Variants in DYNC1H1 observed in about 807,000 individuals in gnomAD.
DYNC1H1 encodes cytoplasmic dynein 1 heavy chain 1.
DYNC1H1 carries 51 observed loss-of-function variants against 527.1 expected under a neutral mutation model. The observed-to-expected ratio is 0.10, with a 90% confidence interval of 0.08 to 0.12. The LOEUF is 0.12. Ranked by LOEUF, DYNC1H1 falls within the 10% of genes least tolerant of loss-of-function variation. The probability of loss-of-function intolerance (pLI) is 1.00; values close to 1 mark genes in which losing one functional copy is unlikely to be tolerated. For synonymous variants in DYNC1H1, 2,189 were observed against 2,278.8 expected (o/e 0.96, Z 1.12); for missense variants, 2,771 against 5,971.8 (o/e 0.46, Z 17.66).
Position 102,018,330 on chromosome 14 carries a change from A to G in DYNC1H1, c.8178-121A>G. The G allele has an allele frequency of 2.9e-6, 4 of 1,400,132 alleles. No individual in the cohort carries two copies. In the South Asian group the frequency reaches 3.9e-5, roughly 14 times the overall value. 86.7% of individuals were successfully genotyped at this position (1,400,132 alleles called of 1,614,324 possible). ...CAGCTAACACTGATGTCAAGTCTGC[A>G]TAGCTGGGTTAGGAAGCGACCTCCA... On this transcript the variant is annotated intron_variant, in intron 40 of 77. Transcript: ENST00000360184. The surrounding 1 kb of genome is among the most constrained non-coding windows in gnomAD (Gnocchi z 5.2).
chr14:101,988,884 T>C (rs756447791), intron 10 of DYNC1H1, 32 bp downstream of exon 10: 6 of 1,613,686 alleles, frequency 3.7e-6, no homozygotes, highest in Non-Finnish European at 5.1e-6. Flanking sequence ...TATTTACTAA[T>C]AAGTGAAATA....
rs777924080 is a variant in DYNC1H1, at chr14:102,038,426, C to G, written c.10909-34C>G. 1 of 1,612,652 alleles carries G rather than the reference C, an allele frequency of 6.2e-7. No homozygotes were observed. The highest frequency in any genetic ancestry group is 1.1e-5 in the South Asian group (1 of 90,998). ...TTGGGTGAAGATAAAGTTACAAAGCCCTGACCATCAAGTTCCACCCGTGTG... is the reference window on the plus strand; with the variant it reads ...TTGGGTGAAGATAAAGTTACAAAGCGCTGACCATCAAGTTCCACCCGTGTG... On this transcript the variant is annotated intron_variant, in intron 57 of 77. Coordinates refer to ENST00000360184, the MANE Select transcript of DYNC1H1 (RefSeq NM_001376.5). This position sits in a 1 kb window ranked among gnomAD's most constrained non-coding sequence, Gnocchi z 7.2.
intron 9 of DYNC1H1, 60 bp downstream of exon 9, chr14:101,987,692 C>A: frequency 6.3e-7 from 1 of 1,588,196 alleles, no homozygotes; most frequent in Non-Finnish European, 8.6e-7. Flanking sequence ...CTCCAGTAAG[C>A]TTATTAGTTT....
chr14:101,968,448 G>T (rs1217500248), intron 1 of DYNC1H1, among the ~76,000 whole-genome samples: 2 of 152,012 alleles, frequency 1.3e-5, no homozygotes, highest in African/African-American at 4.8e-5. Flanking sequence ...TGCCCAGGCT[G>T]GTCTGGGACT....
Position 102,016,919 on chromosome 14 carries a change from C to A in DYNC1H1, c.7768C>A (p.Pro2590Thr). ...LLYTWLAEHK[P>T]LVLCGPPGSG... ...GTACACTTGGCTGGCCGAACACAAG[C>A]CCCTGGTCTTGTGTGGCCCTCCTGG... Residue 2590 changes from proline (P) to threonine (T), a missense_variant, in exon 38 of 78, where the codon CCC (proline) becomes ACC (threonine). Physicochemically the swap from Pro to Thr is conservative, Grantham distance 38 (BLOSUM62 -1). Coordinates refer to ENST00000360184, the MANE Select transcript of DYNC1H1 (RefSeq NM_001376.5). The surrounding 1 kb of genome is among the most constrained non-coding windows in gnomAD (Gnocchi z 7.3). The A allele has an allele frequency of 6.2e-7, 1 of 1,614,242 alleles. No individual in the cohort carries two copies. Among genetic ancestry groups the A allele is most frequent in the South Asian group, 1.1e-5 (1 of 91,090 alleles).
At position 102,010,386 on chromosome 14, in the gene DYNC1H1, T is replaced by A; in HGVS notation, c.6332T>A (p.Ile2111Lys). ...GTGAAGAGAGAGAGAATCCAGAAGATAAAGAGGGAGAAAGAGGAACGAGGG... is the reference window on the plus strand; with the variant it reads ...GTGAAGAGAGAGAGAATCCAGAAGAAAAAGAGGGAGAAAGAGGAACGAGGG... ...GNVKRERIQK[I>K]KREKEERGEA... The change falls in exon 31 of 78, where the codon ATA becomes AAA. Residue 2111 changes from isoleucine to lysine, a missense_variant. By Grantham distance (102) the Ile-to-Lys change is moderately radical. Coordinates refer to ENST00000360184, the MANE Select transcript of DYNC1H1 (RefSeq NM_001376.5). The surrounding 1 kb of genome is among the most constrained non-coding windows in gnomAD (Gnocchi z 6.0). 6.2e-7 allele frequency: 1 copy of A among 1,614,006 alleles called. No homozygotes were observed. Among genetic ancestry groups the A allele is most frequent in the Non-Finnish European group, 8.5e-7 (1 of 1,180,006 alleles).
At chr14:101,981,476 G>T (rs915058036) in intron 5 of DYNC1H1, among the ~76,000 whole-genome samples, 1 of 152,302 alleles carries the variant, frequency 6.6e-6, no homozygotes, top group South Asian at 2.1e-4. Context: ...TGACTGAGCT[G>T]CATTAGCACG....
At chr14:102,032,539 C>CGCCTCCA (rs2048521081) in intron 52 of DYNC1H1, 72 bp downstream of exon 52, 1 of 1,586,870 alleles carries the variant, frequency 6.3e-7, no homozygotes, top group African/African-American at 1.3e-5. Flanking sequence ...CGGTGGCTCA[C>CGCCTCCA]GCCTCCAATC....
At position 101,985,387 on chromosome 14, in the gene DYNC1H1, T is replaced by TG. The variant is rs1172108695; in HGVS notation, c.1462-299dup. On this transcript the variant is annotated intron_variant, in intron 7 of 77. Transcript: ENST00000360184. This position sits in a 1 kb window ranked among gnomAD's most constrained non-coding sequence, Gnocchi z 5.9. ...TCGCCCAGGCTGGAGTGCAGTGGCG[T>TG]GATCTTGGCTCACTGCAACCTCTGC... is the stretch of plus-strand genomic sequence containing the variant. Among the ~76,000 whole-genome samples, 1 of 152,102 alleles carries TG rather than the reference T, an allele frequency of 6.6e-6. No individual in the cohort carries two copies. The highest frequency in any genetic ancestry group is 1.5e-5 in the Non-Finnish European group (1 of 68,008).
At chr14:102,034,922 T>G in intron 56 of DYNC1H1, 1 of 177,270 alleles carries the variant, frequency 5.6e-6, no homozygotes, top group South Asian at 7.7e-5. Context: ...TGAGAATCCA[T>G]CTCAAAAAAA....
chr14:102,047,661 A>ATATG, intron 72 of DYNC1H1, 156 bp from the exon 73 acceptor site: 1 of 587,662 alleles, frequency 1.7e-6, no homozygotes, highest in Non-Finnish European at 3.1e-6. Flanking sequence ...ATATATATAT[A>ATATG]TATGTACACA....
chr14:102,033,051 T>C lies in DYNC1H1; in HGVS notation c.10080-14T>C. On this transcript the variant is annotated splice_polypyrimidine_tract_variant and intron_variant, in intron 52 of 77. Coordinates refer to ENST00000360184, the MANE Select transcript of DYNC1H1 (RefSeq NM_001376.5). This position sits in a 1 kb window ranked among gnomAD's most constrained non-coding sequence, Gnocchi z 5.6. ...GTCCTGCATGTGTTTAGAAATATCATTCGTCTTTTACAGTGACGCCATAAG... is the reference window on the plus strand; with the variant it reads ...GTCCTGCATGTGTTTAGAAATATCACTCGTCTTTTACAGTGACGCCATAAG... 1 of 1,609,274 alleles carries C rather than the reference T, an allele frequency of 6.2e-7. No individual in the cohort carries two copies. The highest frequency in any genetic ancestry group is 8.5e-7 in the Non-Finnish European group (1 of 1,175,578).
chr14:102,048,390 G>A (rs1476074928), intron 73 of DYNC1H1, 126 bp from the exon 74 acceptor site: 30 of 1,328,696 alleles, frequency 2.3e-5, no homozygotes, highest in Non-Finnish European at 3.2e-5. Flanking sequence ...TGCCAAAGCT[G>A]TCCGTGACCC....
At chr14:102,040,810 T>C (rs1413081191) in intron 64 of DYNC1H1, 137 bp downstream of exon 64, 2 of 1,084,276 alleles carry the variant, frequency 1.8e-6, no homozygotes, top group East Asian at 5.1e-5. Context: ...AAATAAAACC[T>C]TAGCCAGGCG....
At chr14:102,040,452 C>G in intron 63 of DYNC1H1, 42 bp downstream of exon 63, 1 of 1,613,792 alleles carries the variant, frequency 6.2e-7, no homozygotes, top group Non-Finnish European at 8.5e-7. Context: ...AAATGTTGGC[C>G]TTTTCCCAGG....
rs759693392 is a variant in DYNC1H1 at position 102,006,191 on chromosome 14, G to A, written c.5716+21G>A. 1.4e-5 allele frequency: 22 copies of A among 1,611,682 alleles called. 1 individual carries two copies. The Admixed American group carries it at 2.5e-4, about 18-fold the overall frequency. ...ATTTGGTAAGTTCTTCCACAGATCT[G>A]GACAGATGGAATCATATATTAAAAT... On this transcript the variant is annotated intron_variant, in intron 27 of 77. Coordinates refer to ENST00000360184, the MANE Select transcript of DYNC1H1 (RefSeq NM_001376.5).
intron 1 of DYNC1H1, among the ~76,000 whole-genome samples, chr14:101,970,010 A>G (rs1290402629): frequency 1.3e-5 from 2 of 152,230 alleles, no homozygotes; most frequent in Admixed American, 6.5e-5. Context: ...TCATCTCTGC[A>G]GTGCCTTGGT....
Position 101,975,411 on chromosome 14 carries a change from G to A in DYNC1H1, c.257-301G>A, listed in dbSNP as rs149717730. Among the ~76,000 whole-genome samples the A allele has an allele frequency of 1.9e-3, 282 of 152,280 alleles. 3 individuals are homozygous for A. The highest frequency in any genetic ancestry group is 6.2e-3 in the African/African-American group (259 of 41,540). ...TGAGAACTTGGCCATAGCCAGCAGC[G>A]GCTAGCACTGCCCACCGCCAGGCCC... On this transcript the variant is annotated intron_variant, in intron 1 of 77. Transcript: ENST00000360184.
In DYNC1H1 at chr14:102,005,044, C is replaced by T. The variant is rs2048181042; in HGVS notation, c.5241C>T (p.Ala1747=). The T allele has an allele frequency of 3.1e-6, 5 of 1,614,086 alleles. No homozygotes were observed. The highest frequency in any genetic ancestry group is 3.4e-6 in the Non-Finnish European group (4 of 1,180,030). The change falls in exon 26 of 78, where the codon GCC becomes GCT. Residue 1747 remains alanine, a splice_region_variant and synonymous_variant. Transcript: ENST00000360184. This position sits in a 1 kb window ranked among gnomAD's most constrained non-coding sequence, Gnocchi z 4.0. Reference sequence around the variant, plus strand: ...GATCTTGTTTCTGTGTCTTTCAGGCCCAGCTTGTGGTTTTGTCAGCCCAGA... The same window carrying T: ...GATCTTGTTTCTGTGTCTTTCAGGCTCAGCTTGTGGTTTTGTCAGCCCAGA... The part of the protein sequence containing the change: ...TYITWIDKYQ[A]QLVVLSAQIA...
Sources: allele counts gnomAD v4.1 joint callset (sites outside exome capture counted in the v4.1 genomes callset), GRCh38; gene constraint gnomAD v4.1.1; non-coding constraint Gnocchi (gnomAD v3.1); transcripts MANE v1.5; gene names NCBI Gene and HGNC (gene_info 2026-07-23, HGNC 2026-07-21).